The following PDE1C variants were observed in gnomAD, a reference collection of about 807,000 sequenced individuals.
PDE1C encodes phosphodiesterase 1C.
A neutral mutation model predicts 93.1 loss-of-function variants in PDE1C; 62 were observed. That is an observed-to-expected ratio of 0.67 (90% CI 0.54 to 0.82). PDE1C has a LOEUF of 0.82. PDE1C is among the 40% of genes least tolerant of loss of function. The probability of loss-of-function intolerance (pLI) is 0.00; values close to 1 mark genes in which losing one functional copy is unlikely to be tolerated. For synonymous variants in PDE1C, 325 were observed against 310.1 expected, an observed-to-expected ratio of 1.05 and a Z score of -0.50; for missense variants, 742 against 884.6, an observed-to-expected ratio of 0.84 and a Z score of 2.04.
chr7:32,241,362 G>C (rs572283499), intron 1 of PDE1C, among the ~76,000 whole-genome samples: 3 of 152,328 alleles, frequency 2.0e-5, no homozygotes, highest in Non-Finnish European at 4.4e-5. Flanking sequence ...TCATACCCAA[G>C]TGAAGAAGAT....
At chr7:32,271,065 G>A (rs1028742239) in intron 1 of PDE1C, among the ~76,000 whole-genome samples, 2 of 152,226 alleles carry the variant, frequency 1.3e-5, no homozygotes, top group African/African-American at 2.4e-5. Flanking sequence ...TTGAACCCAG[G>A]AGGCAGAGGT....
chr7:32,421,813 G>C (rs1394043932), intron 1 of PDE1C, among the ~76,000 whole-genome samples: 2 of 152,062 alleles, frequency 1.3e-5, no homozygotes, highest in Non-Finnish European at 2.9e-5. Context: ...GGCTGTCTAG[G>C]GGCTTTATAA....
chr7:31,649,766 T>A, the PDE1C span, among the ~76,000 whole-genome samples: 2 of 152,164 alleles, frequency 1.3e-5, no homozygotes, highest in Admixed American at 6.5e-5. Context: ...AGGGGATAGC[T>A]GGTAAGAACT....
chr7:32,140,621 G>A (rs1800466083), intron 3 of PDE1C, among the ~76,000 whole-genome samples: 1 of 152,214 alleles, frequency 6.6e-6, no homozygotes, highest in Non-Finnish European at 1.5e-5. Context: ...CCTCCCATCA[G>A]ACATTCTGCA....
intron 1 of PDE1C, among the ~76,000 whole-genome samples, chr7:32,055,860 CA>C (rs1794010312): frequency 1.3e-5 from 2 of 152,104 alleles, no homozygotes; most frequent in African/African-American, 2.4e-5. Flanking sequence ...GCTGGGATTA[CA>C]GGTGCATGCC....
chr7:31,652,404 G>A, the PDE1C span: 2 of 1,437,144 alleles, frequency 1.4e-6, no homozygotes, highest in Non-Finnish European at 1.8e-6. Flanking sequence ...CTGGCTCAAA[G>A]AGCCCATTCT....
chr7:32,143,065 G>A (rs994751874), intron 3 of PDE1C, among the ~76,000 whole-genome samples: 3 of 151,910 alleles, frequency 2.0e-5, no homozygotes, highest in Non-Finnish European at 2.9e-5. Context: ...AGAGATTGCC[G>A]TAAGAGAACT....
At chr7:32,015,307 AC>A (rs929814099) in intron 2 of PDE1C, among the ~76,000 whole-genome samples, 7 of 151,274 alleles carry the variant, frequency 4.6e-5, no homozygotes, top group Admixed American at 1.3e-4. Flanking sequence ...AAAAAAAAAA[AC>A]CACAGGGAGG....
intron 3 of PDE1C, among the ~76,000 whole-genome samples, chr7:32,156,995 C>T (rs897881862): frequency 1.1e-4 from 16 of 152,082 alleles, no homozygotes; most frequent in East Asian, 3.9e-4. Flanking sequence ...ATTGCTGTGC[C>T]GAGAAGGACT....
chr7:31,724,618 G>GCCC, the PDE1C span, among the ~76,000 whole-genome samples: 2 of 152,136 alleles, frequency 1.3e-5, no homozygotes, highest in Non-Finnish European at 2.9e-5. Flanking sequence ...ATTCTTCATA[G>GCCC]AAATTATAAC....
At chr7:31,722,405 C>A in the PDE1C span, among the ~76,000 whole-genome samples, 1 of 152,136 alleles carries the variant, frequency 6.6e-6, no homozygotes, top group African/African-American at 2.4e-5. Flanking sequence ...GGGCTAGACA[C>A]AAAACAGACA....
chr7:31,903,052 C>T (rs1583878732), intron 2 of PDE1C, among the ~76,000 whole-genome samples: 2 of 151,700 alleles, frequency 1.3e-5, no homozygotes, highest in African/African-American at 2.4e-5. Flanking sequence ...ACTTCACATG[C>T]TAACTTATGG....
At position 32,079,580 on chromosome 7, in the gene PDE1C, G is replaced by A. The variant is rs139302737; in HGVS notation, c.308+90205C>T. ...CAGCTGTAGCCAGATGGCAACCCGG[G>A]CTAGAATATCCAATATGGTTTCACT... On this transcript the variant is annotated intron_variant, in intron 3 of 18. Transcript: ENST00000396193. Among the ~76,000 whole-genome samples, 298 of 152,352 alleles carry A rather than the reference G, an allele frequency of 2.0e-3. 1 individual carries two copies. The highest frequency in any genetic ancestry group is 6.6e-3 in the African/African-American group (274 of 41,572).
chr7:31,796,270 ATATG>A (rs1017507294), intron 16 of PDE1C, among the ~76,000 whole-genome samples: 2 of 151,372 alleles, frequency 1.3e-5, no homozygotes, highest in African/African-American at 2.4e-5. Context: ...ATCATATATC[ATATG>A]TATGATTTAT....
intron 1 of PDE1C, among the ~76,000 whole-genome samples, chr7:32,384,213 GTAAA>G (rs1424084386): frequency 6.6e-6 from 1 of 152,082 alleles, no homozygotes; most frequent in Admixed American, 6.5e-5. Context: ...AGATTCACAG[GTAAA>G]TAAATAAACA....
intron 2 of PDE1C, among the ~76,000 whole-genome samples, chr7:31,932,854 G>A (rs546265010): frequency 6.6e-6 from 1 of 152,244 alleles, no homozygotes; most frequent in African/African-American, 2.4e-5. Context: ...AGAAAATGTG[G>A]CACATATACA....
At chr7:31,753,791 A>G (rs796628237) in intron 17 of PDE1C, among the ~76,000 whole-genome samples, 2 of 152,352 alleles carry the variant, frequency 1.3e-5, no homozygotes, top group African/African-American at 4.8e-5. Context: ...TGATAACTGC[A>G]GTACATAAAG....
intron 16 of PDE1C, among the ~76,000 whole-genome samples, chr7:31,791,806 A>G (rs1784624508): frequency 6.6e-6 from 1 of 152,056 alleles, no homozygotes; most frequent in Non-Finnish European, 1.5e-5. Flanking sequence ...GTTAGCAGAG[A>G]CCCACGGTCC....
the PDE1C span, among the ~76,000 whole-genome samples, chr7:31,627,229 G>A: frequency 9.9e-5 from 15 of 152,256 alleles, no homozygotes; most frequent in Non-Finnish European, 2.1e-4. Context: ...GTAAATGATT[G>A]TTACATGAAT....
Sources: gnomAD v4.1 joint callset for allele counts (sites outside exome capture counted in the v4.1 genomes callset) on GRCh38, gnomAD v4.1.1 for gene constraint, MANE v1.5 for transcripts, NCBI Gene and HGNC (gene_info 2026-07-23, HGNC 2026-07-21) for gene names.